The following SREBF1 variants were observed in gnomAD, a reference collection of about 807,000 sequenced individuals.
SREBF1 encodes the protein sterol regulatory element binding transcription factor 1.
In SREBF1, 45 loss-of-function variants were observed where a neutral mutation model predicts 100.1. The ratio of observed to expected loss-of-function variants is 0.45; its 90% CI spans 0.35 to 0.58. The LOEUF (loss-of-function observed/expected upper bound fraction) is 0.58. Among genes scored for constraint, SREBF1 ranks in the 20% least tolerant of loss-of-function variants. The pLI is 0.00. For synonymous variants in SREBF1, 657 were observed against 681.8 expected (o/e 0.96, Z 0.57); for missense variants, 1,324 against 1,539.4 (o/e 0.86, Z 2.34).
chr17:17,836,687 C>T (rs1249678725), intron 1 of SREBF1, 40 bp downstream of exon 1: 8 of 1,534,832 alleles, frequency 5.2e-6, no homozygotes, highest in African/African-American at 2.7e-5. Flanking sequence ...CCTACTCGCG[C>T]CACCCGGCGC....
intron 1 of SREBF1, among the ~76,000 whole-genome samples, chr17:17,830,145 G>A (rs1351864519): frequency 1.3e-5 from 2 of 152,158 alleles, no homozygotes; most frequent in Non-Finnish European, 2.9e-5. Context: ...CATTTGTTGA[G>A]CTAAACCTAT....
At position 17,814,148 on chromosome 17, in the gene SREBF1, C is replaced by G. The variant is rs901580942; in HGVS notation, c.2901+97G>C. On this transcript the variant is annotated intron_variant, in intron 16 of 18. Transcript: ENST00000261646. ...CTATCCTGTGCTGCTTGGGCTAACC[C>G]CATGGTCTTCTGCAGCCCCTGGGGG... The G allele has an allele frequency of 6.0e-5, 84 of 1,398,552 alleles. 1 individual carries two copies. The Admixed American group carries it at 1.6e-3, about 27-fold the overall frequency. The allele number at this position is 1,398,552 out of a possible 1,614,324, so 86.6% of individuals were successfully genotyped here.
At position 17,819,240 on chromosome 17, in the gene SREBF1, G is replaced by A. The variant is rs1397411767; in HGVS notation, c.847-6C>T. ...GTTCCGCCACTCACCAGGGTCTGCA[G>A]GGCCAGGCACATGTTACCAGGTGGG... On this transcript the variant is annotated splice_region_variant and splice_polypyrimidine_tract_variant and intron_variant, in intron 4 of 18. Transcript: ENST00000261646. The A allele has an allele frequency of 5.6e-6, 9 of 1,613,896 alleles. No individual in the cohort carries two copies. Among genetic ancestry groups the A allele is most frequent in the Non-Finnish European group, 7.6e-6 (9 of 1,180,052 alleles).
chr17:17,813,938 C>T (rs979631705), intron 16 of SREBF1, 169 bp from the exon 17 acceptor site: 8 of 772,448 alleles, frequency 1.0e-5, no homozygotes, highest in Admixed American at 2.6e-5. Flanking sequence ...CCGCCTCTCT[C>T]GGCCCCCACA....
chr17:17,814,350 A>G lies in SREBF1; in HGVS notation c.2796T>C (p.Cys932=). The change falls in exon 16 of 19, where the codon TGT becomes TGC. Residue 932 remains cysteine, a synonymous_variant. Transcript: ENST00000261646. Reference sequence around the variant, plus strand: ...TGGCTGGACCAGACTCTGCCTTGGCACAGCCCAGCAGGGCCCGGGCAGCCT... The same window carrying G: ...TGGCTGGACCAGACTCTGCCTTGGCGCAGCCCAGCAGGGCCCGGGCAGCCT... The part of the protein sequence containing the change: ...SFKAARALLG[C]AKAESGPASL... The G allele has an allele frequency of 6.3e-7, 1 of 1,579,352 alleles. No individual in the cohort carries two copies. The highest frequency in any genetic ancestry group is 1.2e-5 in the South Asian group (1 of 86,642).
At chr17:17,823,598 C>T (rs2034263315) in intron 1 of SREBF1, 1 of 1,612,482 alleles carries the variant, frequency 6.2e-7, no homozygotes, top group South Asian at 1.1e-5. Context: ...CCTCCCCGCG[C>T]CGACTTCACC....
In SREBF1 at chr17:17,812,396, G is replaced by A; in HGVS notation, c.*226C>T. On this transcript the variant is annotated 3_prime_UTR_variant, in exon 19 of 19. Transcript: ENST00000261646. Reference sequence around the variant, plus strand: ...CCCAAAATGGCTCGGCCCCTGCAGTGCCCCGATCGGCCACCAGAGGTCAGC... The same window carrying A: ...CCCAAAATGGCTCGGCCCCTGCAGTACCCCGATCGGCCACCAGAGGTCAGC... 1 of 611,736 alleles carries A rather than the reference G, an allele frequency of 1.6e-6. No individual in the cohort carries two copies. The highest frequency in any genetic ancestry group is 2.8e-6 in the Non-Finnish European group (1 of 351,954). The allele number at this position is 611,736 out of a possible 1,614,324, so 37.9% of individuals were successfully genotyped here. A position where few individuals can be genotyped will look rare whatever the true frequency, so the allele number is the denominator to read the frequency against.
chr17:17,823,426 G>A (rs2034242986), intron 1 of SREBF1: 4 of 989,234 alleles, frequency 4.0e-6, no homozygotes, highest in South Asian at 3.8e-5. Context: ...TCCTGCTCAA[G>A]TTGCGTAGCC....
Position 17,811,691 on chromosome 17 carries a change from A to T in SREBF1, c.*931T>A. On this transcript the variant is annotated 3_prime_UTR_variant, in exon 19 of 19. Coordinates refer to ENST00000261646, the MANE Select transcript of SREBF1 (RefSeq NM_004176.5). ...CAGGGGCCGGGATGGGGGAGGTGAG[A>T]CGTGCCAGACTTCTTGCAGGGAGAC... 2.2e-6 allele frequency: 1 copy of T among 453,756 alleles called. No individual in the cohort carries two copies. Among genetic ancestry groups the T allele is most frequent in the Non-Finnish European group, 4.4e-6 (1 of 225,858 alleles). 28.1% of individuals were successfully genotyped at this position (453,756 alleles called of 1,614,324 possible). A position where few individuals can be genotyped will look rare whatever the true frequency, so the allele number is the denominator to read the frequency against.
intron 1 of SREBF1, among the ~76,000 whole-genome samples, chr17:17,831,479 A>G (rs1181999261): frequency 6.6e-6 from 1 of 152,130 alleles, no homozygotes; most frequent in African/African-American, 2.4e-5. Flanking sequence ...CTTGGCAGAC[A>G]TCTGGGGTCC....
At chr17:17,814,108 G>A (rs1039132142) in intron 16 of SREBF1, 137 bp downstream of exon 16, 3 of 1,021,534 alleles carry the variant, frequency 2.9e-6, no homozygotes, top group African/African-American at 3.2e-5. Context: ...CAAAAAGCAG[G>A]GTCTGCTGGA....
At chr17:17,828,100 G>A (rs1181006569) in intron 1 of SREBF1, among the ~76,000 whole-genome samples, 1 of 152,194 alleles carries the variant, frequency 6.6e-6, no homozygotes, top group Non-Finnish European at 1.5e-5. Context: ...CCCAGTCAGA[G>A]GCCGTGCAGA....
chr17:17,821,818 T>G (rs966859628), intron 1 of SREBF1, among the ~76,000 whole-genome samples: 20 of 151,384 alleles, frequency 1.3e-4, no homozygotes, highest in Non-Finnish European at 1.3e-4. Context: ...AGAAGGACTC[T>G]AAGGGTGGGG....
rs373852721 is a variant in SREBF1 at position 17,813,692 on chromosome 17, C to T, written c.2979G>A (p.Pro993=). ...TGCTGGTGCCCTGGGCTGCTGGGGC[C>T]GGGGCCGGGGGCTGCTGCTGCCGCC... ...SLWRQQQPPA[P]APAAQGTSSR... The change falls in exon 17 of 19, where the codon CCG becomes CCA. Residue 993 remains proline, a synonymous_variant. Coordinates refer to ENST00000261646, the MANE Select transcript of SREBF1 (RefSeq NM_004176.5). The T allele has an allele frequency of 3.5e-4, 533 of 1,539,946 alleles. 1 individual carries two copies. The highest frequency in any genetic ancestry group is 3.9e-4 in the Non-Finnish European group (451 of 1,149,284).
Position 17,836,963 on chromosome 17 carries a change from C to T in SREBF1, c.-146G>A. The T allele has an allele frequency of 2.9e-6, 2 of 679,844 alleles. No individual in the cohort carries two copies. The highest frequency in any genetic ancestry group is 4.4e-6 in the Non-Finnish European group (2 of 454,330). 42.1% of individuals were successfully genotyped at this position (679,844 alleles called of 1,614,324 possible). A position where few individuals can be genotyped will look rare whatever the true frequency, so the allele number is the denominator to read the frequency against. ...CCCTGGCCTCAGAGGCGGCCCGGCG[C>T]CGGCGAAAAGTTCCTCGGAAACTGG... On this transcript the variant is annotated 5_prime_UTR_variant, in exon 1 of 19. Transcript: ENST00000261646.
Position 17,812,673 on chromosome 17 carries a change from A to G in SREBF1, c.3393T>C (p.Cys1131=). The change falls in exon 19 of 19, where the codon TGT becomes TGC. Residue 1131 remains cysteine, a synonymous_variant. Coordinates refer to ENST00000261646, the MANE Select transcript of SREBF1 (RefSeq NM_004176.5). ...KLGDRRLLHD[C]QQMLMRLGGG... is the part of the protein sequence containing the mutation. ...CGCCCAGGCGCATGAGCATCTGCTGACAGTCGTGCAGCAGCCGGCGATCGC... is the reference window on the plus strand; with the variant it reads ...CGCCCAGGCGCATGAGCATCTGCTGGCAGTCGTGCAGCAGCCGGCGATCGC... The G allele has an allele frequency of 6.2e-7, 1 of 1,608,676 alleles. No individual in the cohort carries two copies. Among genetic ancestry groups the G allele is most frequent in the Non-Finnish European group, 8.5e-7 (1 of 1,178,058 alleles).
At position 17,813,473 on chromosome 17, in the gene SREBF1, G is replaced by A. The variant is rs778435014; in HGVS notation, c.3109C>T (p.Leu1037=). 6.3e-7 allele frequency: 1 copy of A among 1,598,982 alleles called. No individual in the cohort carries two copies. The highest frequency in any genetic ancestry group is 8.5e-7 in the Non-Finnish European group (1 of 1,173,160). Reference sequence around the variant, plus strand: ...ATCAGCCGGGCCGTGGCCTCATGTAGGAACACCTGGGGGCCAGGAGAGTGG... The same window carrying A: ...ATCAGCCGGGCCGTGGCCTCATGTAAGAACACCTGGGGGCCAGGAGAGTGG... ...SFRPAMRRVF[L]HEATARLMAG... Residue 1037 remains leucine (L), a synonymous_variant, in exon 18 of 19, where the codon CTA becomes TTA. Transcript: ENST00000261646.
rs755233563 is a variant in SREBF1, at chr17:17,817,828, T to G, written c.1272A>C (p.Thr424=). 2.5e-6 allele frequency: 4 copies of G among 1,611,292 alleles called. No homozygotes were observed. The South Asian group carries it at 4.4e-5, about 18-fold the overall frequency. Residue 424 remains threonine, a synonymous_variant, in exon 7 of 19, where the codon ACA becomes ACC. Coordinates refer to ENST00000261646, the MANE Select transcript of SREBF1 (RefSeq NM_004176.5). This position sits in a 1 kb window ranked among gnomAD's most constrained non-coding sequence, Gnocchi z 6.6. ...MEGVKTEVED[T]LTPPPSDAGS... ...CAGCATCCGAGGGGGGTGGGGTCAG[T>G]GTGTCCTCCACCTCAGTCTTCACGC...
rs777079469 is a variant in SREBF1, at chr17:17,824,015, T to C, written c.92-3494A>G. On this transcript the variant is annotated intron_variant, in intron 1 of 18. Coordinates refer to ENST00000261646, the MANE Select transcript of SREBF1 (RefSeq NM_004176.5). The surrounding 1 kb of genome is among the most constrained non-coding windows in gnomAD (Gnocchi z 4.2). ...GTCCTGGCCCAACACACCAGAACTC[T>C]GTGTTCGAAATCACTGGTTCGCTGG... is the stretch of plus-strand genomic sequence containing the variant. Among the ~76,000 whole-genome samples, 2 of 152,168 alleles carry C rather than the reference T, an allele frequency of 1.3e-5. No homozygotes were observed. Among genetic ancestry groups the C allele is most frequent in the Admixed American group, 6.5e-5 (1 of 15,276 alleles).
Sources: gnomAD v4.1 joint callset for allele counts (sites outside exome capture counted in the v4.1 genomes callset) on GRCh38, gnomAD v4.1.1 for gene constraint, Gnocchi (gnomAD v3.1) non-coding constraint, MANE v1.5 for transcripts, NCBI Gene and HGNC (gene_info 2026-07-23, HGNC 2026-07-21) for gene names.